Variants in CDC20B observed in about 807,000 individuals in gnomAD.
The protein encoded by CDC20B is cell division cycle protein 20 homolog B.
A neutral mutation model predicts 64.1 loss-of-function variants in CDC20B; 58 were observed. That is an observed-to-expected ratio of 0.90 (90% confidence interval 0.73 to 1.13). The LOEUF is 1.13. Ranked by LOEUF, CDC20B falls within the 50% of genes most tolerant of loss-of-function variation. CDC20B has a pLI of 0.00. For synonymous variants in CDC20B, 243 were observed against 230.6 expected (o/e 1.05, Z -0.49); for missense variants, 597 against 633.0 (o/e 0.94, Z 0.61).
chr5:55,160,894 T>G, intron 2 of CDC20B: 1 of 1,231,336 alleles, frequency 8.1e-7, no homozygotes, highest in Non-Finnish European at 1.1e-6. Flanking sequence ...CAATCAGAGG[T>G]TATAGTCCCC....
At chr5:55,117,261 C>A (rs391112) in intron 11 of CDC20B, among the ~76,000 whole-genome samples, 24,444 of 151,580 alleles carry the variant, frequency 0.16, 2,369 homozygotes, top group South Asian at 0.3. Flanking sequence ...ATTTTCCCCC[C>A]AAAAAAAATC....
intron 2 of CDC20B, chr5:55,160,369 T>G: frequency 1.9e-6 from 3 of 1,612,886 alleles, no homozygotes; most frequent in Non-Finnish European, 8.5e-7. Context: ...AAGGAAGAAC[T>G]GTTTCTCTGG....
At chr5:55,162,877 G>T (rs922853071) in intron 2 of CDC20B, among the ~76,000 whole-genome samples, 2 of 152,170 alleles carry the variant, frequency 1.3e-5, no homozygotes, top group Non-Finnish European at 1.5e-5. Flanking sequence ...AGATAGGAAG[G>T]ATCATAGAGC....
intron 6 of CDC20B, 34 bp from the exon 7 acceptor site, chr5:55,128,651 T>C (rs755425226): frequency 7.0e-7 from 1 of 1,426,272 alleles, no homozygotes; most frequent in Admixed American, 2.8e-5. Context: ...AGTATAATTA[T>C]ACAGCCACAT....
intron 3 of CDC20B, among the ~76,000 whole-genome samples, chr5:55,144,103 T>C (rs1743408300): frequency 1.3e-5 from 2 of 152,144 alleles, no homozygotes; most frequent in Admixed American, 6.5e-5. Context: ...GCTATGGTCA[T>C]CCTGCAAGGA....
At chr5:55,145,586 G>T (rs1368373751) in intron 3 of CDC20B, among the ~76,000 whole-genome samples, 3 of 152,126 alleles carry the variant, frequency 2.0e-5, no homozygotes, top group Admixed American at 6.5e-5. Context: ...GCTCTGGCAG[G>T]TTGATCATGG....
rs148220250 is a variant in CDC20B at position 55,125,680 on chromosome 5, G to A, written c.990-652C>T. Among the ~76,000 whole-genome samples, 458 of 152,288 alleles carry A rather than the reference G, an allele frequency of 3.0e-3. 1 individual carries two copies. The highest frequency in any genetic ancestry group is 8.4e-3 in the African/African-American group (349 of 41,568). ...CATCACTTTTTCAAAGATAATGAACGCTTTCTGGATTAATTTAATTTTCTC... is the reference window on the plus strand; with the variant it reads ...CATCACTTTTTCAAAGATAATGAACACTTTCTGGATTAATTTAATTTTCTC... On this transcript the variant is annotated intron_variant, in intron 8 of 11. Transcript: ENST00000381375.
At chr5:55,156,960 G>A (rs913745987) in intron 2 of CDC20B, among the ~76,000 whole-genome samples, 1 of 152,178 alleles carries the variant, frequency 6.6e-6, no homozygotes, top group Non-Finnish European at 1.5e-5. Flanking sequence ...TTTCTTGTGT[G>A]TTCTCATATT....
chr5:55,150,105 C>T (rs577009122), intron 2 of CDC20B, among the ~76,000 whole-genome samples: 1 of 152,172 alleles, frequency 6.6e-6, no homozygotes, highest in Admixed American at 6.5e-5. Flanking sequence ...GCACTCCAGC[C>T]TGGGCAACAA....
chr5:55,144,858 A>G (rs1191660024), intron 3 of CDC20B, among the ~76,000 whole-genome samples: 1 of 152,198 alleles, frequency 6.6e-6, no homozygotes, highest in Non-Finnish European at 1.5e-5. Context: ...CTCTCTGTAA[A>G]TGTCCCTTTG....
In CDC20B at chr5:55,119,851, T is replaced by C; in HGVS notation, c.1409A>G (p.Asp470Gly). ...IATGQGTPKN[D>G]VTVWTCPTVS... ...AGTGGGACAGGTCCACACAGTCACA[T>C]CATTCTTGGGAGTACCTTGACCAGT... is the stretch of plus-strand genomic sequence containing the variant. The change falls in exon 11 of 12, where the codon GAT becomes GGT. Residue 470 changes from aspartate (D) to glycine (G), a missense_variant. This residue lies in a region of CDC20B where 353 missense variants were observed against 397.0 expected (regional missense o/e 0.89). Transcript: ENST00000381375. 1.9e-6 allele frequency: 3 copies of C among 1,614,096 alleles called. No individual in the cohort carries two copies. Among genetic ancestry groups the C allele is most frequent in the Non-Finnish European group, 2.5e-6 (3 of 1,179,942 alleles).
At chr5:55,119,532 T>C (rs1742706163) in intron 11 of CDC20B, among the ~76,000 whole-genome samples, 1 of 152,020 alleles carries the variant, frequency 6.6e-6, no homozygotes, top group African/African-American at 2.4e-5. Context: ...CTAACTCGAG[T>C]TCAAAAACTG....
chr5:55,128,530 T>C lies in CDC20B; in HGVS notation c.785A>G (p.Asn262Ser), dbSNP rs1453953606. Residue 262 changes from asparagine to serine, a missense_variant, in exon 7 of 12, where the codon AAT (asparagine) becomes AGT (serine). Around this residue, in one of 3 missense-constraint regions of CDC20B, gnomAD observed 353 missense variants for 397.0 expected, o/e 0.89. Transcript: ENST00000381375. ...AVYIWNGENH[N>S]GIENIDLSLT... Reference sequence around the variant, plus strand: ...ACTTAAGTCTATGTTTTCAATCCCATTGTGGTTCTCCCCATTCCAGATGTA... The same window carrying C: ...ACTTAAGTCTATGTTTTCAATCCCACTGTGGTTCTCCCCATTCCAGATGTA... The C allele has an allele frequency of 1.2e-5, 20 of 1,611,284 alleles. No individual in the cohort carries two copies. Among genetic ancestry groups the C allele is most frequent in the East Asian group, 2.2e-5 (1 of 44,742 alleles).
At chr5:55,154,258 T>A (rs1003808837) in intron 2 of CDC20B, among the ~76,000 whole-genome samples, 7 of 152,120 alleles carry the variant, frequency 4.6e-5, no homozygotes, top group Non-Finnish European at 7.4e-5. Context: ...GGCTTACACC[T>A]GTACTCTAAG....
chr5:55,128,325 T>C (rs541433649), intron 7 of CDC20B, 96 bp downstream of exon 7: 1 of 863,464 alleles, frequency 1.2e-6, no homozygotes, highest in East Asian at 3.4e-5. Context: ...GAGCCACACC[T>C]AGTTTCTCTA....
chr5:55,160,216 G>T, intron 2 of CDC20B: 1 of 1,613,938 alleles, frequency 6.2e-7, no homozygotes, highest in Non-Finnish European at 8.5e-7. Flanking sequence ...CAGCTTACCC[G>T]CTAAAATGTT....
chr5:55,149,019 G>A (rs973023899), intron 2 of CDC20B, among the ~76,000 whole-genome samples: 73 of 152,298 alleles, frequency 4.8e-4, no homozygotes, highest in African/African-American at 1.7e-3. Flanking sequence ...TTACATGTTT[G>A]TAAGTACAAA....
intron 6 of CDC20B, among the ~76,000 whole-genome samples, chr5:55,129,455 G>A (rs984664381): frequency 6.6e-6 from 1 of 152,156 alleles, no homozygotes; most frequent in Admixed American, 6.5e-5. Context: ...TGGAGTGCCA[G>A]CGAAGACTCT....
chr5:55,145,276 C>A (rs1163580183), intron 3 of CDC20B, among the ~76,000 whole-genome samples: 1 of 152,164 alleles, frequency 6.6e-6, no homozygotes, highest in Non-Finnish European at 1.5e-5. Context: ...AGTATTAAAG[C>A]CTGTCGTTAC....
Sources: allele counts gnomAD v4.1 joint callset (sites outside exome capture counted in the v4.1 genomes callset), GRCh38; gene constraint gnomAD v4.1.1; regional missense constraint gnomAD v4.1.1; transcripts MANE v1.5; gene names NCBI Gene and HGNC (gene_info 2026-07-23, HGNC 2026-07-21).